PHF21B: variants seen among roughly 807,000 people sequenced by gnomAD.
PHF21B encodes PHD finger protein 4.
Under a neutral mutation model 62.2 loss-of-function variants are expected in PHF21B, and 22 were observed. That is an observed-to-expected ratio of 0.35 (90% CI 0.25 to 0.51). The LOEUF is 0.51. Among genes scored for constraint, PHF21B ranks in the 20% least tolerant of loss-of-function variants. PHF21B has a pLI of 0.97. For missense variants in PHF21B, 701 were observed against 707.9 expected (o/e 0.99, Z 0.11); for synonymous variants, 341 against 314.7 (o/e 1.08, Z -0.88).
intron 5 of PHF21B, among the ~76,000 whole-genome samples, chr22:44,909,678 G>A (rs928976509): frequency 2.0e-5 from 3 of 152,224 alleles, no homozygotes; most frequent in East Asian, 1.9e-4. Context: ...ACTGCAGTCC[G>A]AAAGCCCAGC....
At chr22:44,907,009 C>T (rs574766705) in intron 5 of PHF21B, among the ~76,000 whole-genome samples, 3 of 152,330 alleles carry the variant, frequency 2.0e-5, no homozygotes, top group African/African-American at 7.2e-5. Context: ...GCTTCCACTG[C>T]CCATCACCTT....
intron 2 of PHF21B, among the ~76,000 whole-genome samples, chr22:44,934,199 C>G (rs756142670): frequency 2.3e-4 from 35 of 152,190 alleles, no homozygotes; most frequent in Non-Finnish European, 3.4e-4. Flanking sequence ...CCATCGGCCA[C>G]TTCCTCCTGA....
chr22:44,934,958 T>G (rs902057374), intron 2 of PHF21B, among the ~76,000 whole-genome samples: 1 of 152,086 alleles, frequency 6.6e-6, no homozygotes, highest in African/African-American at 2.4e-5. Flanking sequence ...AGAGAAGACA[T>G]GTGGCGCTAG....
At chr22:44,976,576 CTT>C (rs1197230364) in intron 2 of PHF21B, among the ~76,000 whole-genome samples, 1 of 152,228 alleles carries the variant, frequency 6.6e-6, no homozygotes, top group Non-Finnish European at 1.5e-5. Flanking sequence ...ACTGTTCCGT[CTT>C]GTTTCTGCAA....
At chr22:44,974,552 G>A (rs1028167711) in intron 2 of PHF21B, among the ~76,000 whole-genome samples, 23 of 152,072 alleles carry the variant, frequency 1.5e-4, no homozygotes, top group African/African-American at 4.3e-4. Flanking sequence ...TCCTACATCC[G>A]TGCAGCTTAC....
At chr22:44,981,772 C>A (rs192612664) in intron 2 of PHF21B, among the ~76,000 whole-genome samples, 1 of 152,216 alleles carries the variant, frequency 6.6e-6, no homozygotes, top group South Asian at 2.1e-4. Flanking sequence ...GCTACAGCGG[C>A]ACGCAGGTGT....
chr22:44,883,234 C>T lies in PHF21B; in HGVS notation c.1448G>A (p.Arg483Gln), dbSNP rs758147220. 2.0e-5 allele frequency: 33 copies of T among 1,613,944 alleles called. No homozygotes were observed. Among genetic ancestry groups the T allele is most frequent in the Admixed American group, 8.3e-5 (5 of 60,018 alleles). ...GCCCTGTATCAGTCTCAGGAGGGCC[C>T]GCAGGCGGTCCAGGGATGACTGGGT... Reference protein sequence around the residue: ...RGTQSSLDRLRALLRLIQGEQ... With the variant: ...RGTQSSLDRLQALLRLIQGEQ... Residue 483 changes from arginine (R) to glutamine (Q), a missense_variant, in exon 13 of 13, where the codon CGG (arginine) becomes CAG (glutamine). Arg to Gln is a conservative substitution (Grantham distance 43, BLOSUM62 1). Coordinates refer to ENST00000313237, the MANE Select transcript of PHF21B (RefSeq NM_138415.5).
chr22:44,893,023 C>T (rs1400034951), intron 7 of PHF21B, among the ~76,000 whole-genome samples: 2 of 151,510 alleles, frequency 1.3e-5, no homozygotes, highest in African/African-American at 4.9e-5. Context: ...CCTTTCTTTA[C>T]GGTGCCCGCC....
intron 2 of PHF21B, among the ~76,000 whole-genome samples, chr22:44,949,326 GAA>G (rs892960936): frequency 6.5e-4 from 84 of 129,232 alleles, no homozygotes; most frequent in African/African-American, 2.3e-3. Flanking sequence ...AAAAAAAAAA[GAA>G]AAAAGAGAGC....
At chr22:44,941,657 TCCA>T (rs1293516409) in intron 2 of PHF21B, among the ~76,000 whole-genome samples, 4 of 151,608 alleles carry the variant, frequency 2.6e-5, no homozygotes, top group Admixed American at 6.6e-5. Context: ...GTGGACGGAG[TCCA>T]CCGTCACTTT....
Position 44,911,445 on chromosome 22 carries a change from G to A in PHF21B, c.831+2377C>T, listed in dbSNP as rs184896400. Among the ~76,000 whole-genome samples the A allele has an allele frequency of 1.3e-3, 192 of 152,212 alleles. 1 individual carries two copies. The highest frequency in any genetic ancestry group is 4.5e-3 in the African/African-American group (185 of 41,538). ...GGAGGAAAAAATGTTTTCTTAGGCT[G>A]GGCCCAGGGTCCCTCTGCTGTGTGC... is the stretch of plus-strand genomic sequence containing the variant. On this transcript the variant is annotated intron_variant, in intron 5 of 12. Transcript: ENST00000313237.
intron 2 of PHF21B, among the ~76,000 whole-genome samples, chr22:44,925,566 T>C (rs983372518): frequency 6.6e-6 from 1 of 152,144 alleles, no homozygotes; most frequent in Non-Finnish European, 1.5e-5. Context: ...CCCCTGGATA[T>C]CCACTTTGGA....
At chr22:44,935,439 CCT>C (rs1361355405) in intron 2 of PHF21B, among the ~76,000 whole-genome samples, 1 of 152,064 alleles carries the variant, frequency 6.6e-6, no homozygotes, top group Non-Finnish European at 1.5e-5. Context: ...ACGGTGAAAC[CCT>C]GTCTCTACTA....
chr22:45,005,173 T>C (rs1378897628), intron 2 of PHF21B, among the ~76,000 whole-genome samples: 1 of 152,266 alleles, frequency 6.6e-6, no homozygotes, highest in Admixed American at 6.5e-5. Flanking sequence ...CTGCATGTGC[T>C]GCAATCTCAT....
At chr22:44,891,914 TTGTAATAC>T (rs1208843805) in intron 7 of PHF21B, among the ~76,000 whole-genome samples, 1 of 152,106 alleles carries the variant, frequency 6.6e-6, no homozygotes, top group African/African-American at 2.4e-5. Flanking sequence ...ACTGCGGCTG[TTGTAATAC>T]TGCGTGGCCA....
chr22:44,961,358 T>C (rs1822704525), intron 2 of PHF21B, among the ~76,000 whole-genome samples: 1 of 152,170 alleles, frequency 6.6e-6, no homozygotes, highest in Admixed American at 6.5e-5. Context: ...CAACTGATCC[T>C]GTCACCCAGG....
intron 2 of PHF21B, among the ~76,000 whole-genome samples, chr22:44,982,303 G>C (rs569111041): frequency 6.6e-6 from 1 of 152,368 alleles, no homozygotes; most frequent in African/African-American, 2.4e-5. Flanking sequence ...GCTGATCTGG[G>C]GCAGGGAGAG....
intron 3 of PHF21B, 93 bp downstream of exon 3, chr22:44,920,298 GGCCCAGT>G (rs1255979873): frequency 8.2e-6 from 7 of 851,752 alleles, no homozygotes; most frequent in Middle Eastern, 3.6e-4. Context: ...AGTTCCGCCT[GGCCCAGT>G]GCCCACCAGA....
chr22:45,008,542 T>C lies in PHF21B; in HGVS notation c.120+3A>G. 1 of 1,576,292 alleles carries C rather than the reference T, an allele frequency of 6.3e-7. No homozygotes were observed. The highest frequency in any genetic ancestry group is 1.3e-5 in the African/African-American group (1 of 74,408). On this transcript the variant is annotated splice_donor_region_variant and intron_variant, in intron 2 of 12. Transcript: ENST00000313237. ...CAGGGGGGGCCGCGATCCCATCGCTTACTTGTTTGTCGCTGAGCGCGGCGA... is the reference window on the plus strand; with the variant it reads ...CAGGGGGGGCCGCGATCCCATCGCTCACTTGTTTGTCGCTGAGCGCGGCGA...
Sources: gnomAD v4.1 joint callset for allele counts (sites outside exome capture counted in the v4.1 genomes callset) on GRCh38, gnomAD v4.1.1 for gene constraint, MANE v1.5 for transcripts, NCBI Gene and HGNC (gene_info 2026-07-23, HGNC 2026-07-21) for gene names.